Variants in MICAL3 observed in about 807,000 individuals in gnomAD.
MICAL3 encodes microtubule associated monooxygenase, calponin and LIM domain containing 3, also known as [F-actin]-monooxygenase MICAL3.
MICAL3 carries 62 observed loss-of-function variants against 207.4 expected under a neutral mutation model. The ratio of observed to expected loss-of-function variants is 0.30; its 90% CI spans 0.24 to 0.37. The LOEUF (loss-of-function observed/expected upper bound fraction) is 0.37. Among genes scored for constraint, MICAL3 ranks in the 10% least tolerant of loss-of-function variants. The probability of loss-of-function intolerance (pLI) is 1.00; values close to 1 mark genes in which losing one functional copy is unlikely to be tolerated. For synonymous variants in MICAL3, 1,077 were observed against 1,069.3 expected (o/e 1.01, Z -0.14); for missense variants, 2,368 against 2,635.6 (o/e 0.90, Z 2.22).
In MICAL3 at chr22:17,885,946, TG is replaced by T; in HGVS notation, c.2172del (p.Tyr724Ter). ...AATTTGGCCAGCAGCTGGGTCGCCA[TG>T]TACTTCACTTTGTTCTGGTTCCCAA... is the stretch of plus-strand genomic sequence containing the variant. ...VAVGNQNKVK[Y>X]MATQLLAKFE... On this transcript the variant is annotated frameshift_variant, in exon 16 of 32. Coordinates refer to ENST00000441493, the MANE Select transcript of MICAL3 (RefSeq NM_015241.3). LOFTEE classifies it high-confidence loss of function. The T allele has an allele frequency of 1.2e-6, 2 of 1,614,044 alleles. No homozygotes were observed. Among genetic ancestry groups the T allele is most frequent in the Non-Finnish European group, 1.7e-6 (2 of 1,179,906 alleles).
In MICAL3 at chr22:17,787,943, C is replaced by T. The variant is rs1296463730; in HGVS notation, c.*2789G>A. On this transcript the variant is annotated 3_prime_UTR_variant, in exon 32 of 32. Transcript: ENST00000441493. ...GCCCTCCAGGGAAGCTGCATGTGGACCTCCACGGTATTCAGCCTCCAGTTT... is the reference window on the plus strand; with the variant it reads ...GCCCTCCAGGGAAGCTGCATGTGGATCTCCACGGTATTCAGCCTCCAGTTT... 1 of 152,278 alleles carries T rather than the reference C, an allele frequency of 6.6e-6. No individual in the cohort carries two copies. Among genetic ancestry groups the T allele is most frequent in the African/African-American group, 2.4e-5 (1 of 41,464 alleles). 9.4% of individuals were successfully genotyped at this position (152,278 alleles called of 1,614,324 possible).
chr22:17,914,426 C>T (rs1932345107), intron 1 of MICAL3, among the ~76,000 whole-genome samples: 2 of 105,950 alleles, frequency 1.9e-5, no homozygotes, highest in Admixed American at 2.1e-4. Flanking sequence ...TGTATGACCT[C>T]CATTTTGCAG....
At chr22:17,870,052 C>T (rs139447803) in intron 17 of MICAL3, among the ~76,000 whole-genome samples, 2 of 152,284 alleles carry the variant, frequency 1.3e-5, no homozygotes, top group African/African-American at 4.8e-5. Context: ...TCCATCTGTC[C>T]TCTGACAGAT....
intron 19 of MICAL3, 83 bp downstream of exon 19, chr22:17,864,816 G>A: frequency 6.2e-7 from 1 of 1,613,938 alleles, no homozygotes; most frequent in Non-Finnish European, 8.5e-7. Flanking sequence ...TGTTGCTTTG[G>A]AGGTGCTGGC....
At chr22:17,885,824 CCTT>C (rs1569115434) in intron 16 of MICAL3, 51 bp downstream of exon 16, 7 of 1,561,320 alleles carry the variant, frequency 4.5e-6, no homozygotes, top group African/African-American at 1.4e-5. Context: ...AAAGATCCCC[CCTT>C]CTTGTGTGAT....
Position 17,789,942 on chromosome 22 carries a change from T to C in MICAL3, c.*790A>G, listed in dbSNP as rs1374294845. On this transcript the variant is annotated 3_prime_UTR_variant, in exon 32 of 32. Transcript: ENST00000441493. ...AGGTCATCTCCTGTCCCGACATAAA[T>C]GTGGAACAGGGACAATGCCTGTCTG... The C allele has an allele frequency of 2.0e-5, 3 of 152,182 alleles. No homozygotes were observed. The highest frequency in any genetic ancestry group is 2.0e-4 in the Admixed American group (3 of 15,284). 9.4% of individuals were successfully genotyped at this position (152,182 alleles called of 1,614,324 possible).
intron 1 of MICAL3, among the ~76,000 whole-genome samples, chr22:17,950,665 A>C (rs1429618606): frequency 6.6e-6 from 1 of 152,046 alleles, no homozygotes; most frequent in Admixed American, 6.6e-5. Context: ...ACATAACAGC[A>C]CTCCTAAACT....
At chr22:17,930,265 A>G (rs1456130048) in intron 1 of MICAL3, among the ~76,000 whole-genome samples, 1 of 152,244 alleles carries the variant, frequency 6.6e-6, no homozygotes, top group East Asian at 1.9e-4. Flanking sequence ...TTGAAGCTAC[A>G]TACACATCTA....
At chr22:17,791,727 C>T (rs912748798) in intron 29 of MICAL3, 1 of 203,408 alleles carries the variant, frequency 4.9e-6, no homozygotes, top group Non-Finnish European at 1.0e-5. Flanking sequence ...ACCCTGCCCT[C>T]AGGTCATGCT....
At chr22:17,858,046 AG>A (rs1402347868) in intron 19 of MICAL3, among the ~76,000 whole-genome samples, 1 of 152,252 alleles carries the variant, frequency 6.6e-6, no homozygotes, top group Non-Finnish European at 1.5e-5. Flanking sequence ...GTTGGCCCAC[AG>A]GAAGTAAAAT....
intron 1 of MICAL3, among the ~76,000 whole-genome samples, chr22:17,990,855 T>C (rs543418408): frequency 2.9e-4 from 44 of 152,336 alleles, no homozygotes; most frequent in East Asian, 1.3e-3. Context: ...ACTTTTCCCA[T>C]ATCCCAATAT....
chr22:17,826,997 G>A (rs1455998603), intron 22 of MICAL3, among the ~76,000 whole-genome samples: 2 of 152,252 alleles, frequency 1.3e-5, no homozygotes, highest in African/African-American at 4.8e-5. Flanking sequence ...GACAGCAGAG[G>A]TGACTCCGAG....
chr22:17,820,055 C>T (rs893252807), intron 25 of MICAL3, among the ~76,000 whole-genome samples: 3 of 149,720 alleles, frequency 2.0e-5, no homozygotes, highest in African/African-American at 7.4e-5. Context: ...TTGCTTGAGC[C>T]GAGGAGTTGG....
intron 1 of MICAL3, among the ~76,000 whole-genome samples, chr22:17,924,928 G>GT (rs1202966321): frequency 6.6e-6 from 1 of 152,124 alleles, no homozygotes. Flanking sequence ...CTGGCAACAG[G>GT]TATTTCTTTA....
rs1456797956 is a variant in MICAL3, at chr22:17,789,582, A to T, written c.*1150T>A. The T allele has an allele frequency of 6.6e-6, 1 of 152,270 alleles. No homozygotes were observed. The highest frequency in any genetic ancestry group is 2.4e-5 in the African/African-American group (1 of 41,430). 9.4% of individuals were successfully genotyped at this position (152,270 alleles called of 1,614,324 possible). A position where few individuals can be genotyped will look rare whatever the true frequency, so the allele number is the denominator to read the frequency against. On this transcript the variant is annotated 3_prime_UTR_variant, in exon 32 of 32. Transcript: ENST00000441493. ...AGGCAGGCACCGGGTGGAGGAGGGG[A>T]CAGAAAGCTGTGAGGAGGACCCACA...
At chr22:18,012,446 A>G (rs1014619792) in intron 1 of MICAL3, among the ~76,000 whole-genome samples, 1 of 152,178 alleles carries the variant, frequency 6.6e-6, no homozygotes, top group African/African-American at 2.4e-5. Flanking sequence ...GGGGTAAGGG[A>G]GGGCCAGACA....
chr22:17,821,869 A>C (rs1311211975), intron 24 of MICAL3, among the ~76,000 whole-genome samples, 161 bp downstream of exon 24: 1 of 152,224 alleles, frequency 6.6e-6, no homozygotes, highest in African/African-American at 2.4e-5. Flanking sequence ...TGGCACAGGG[A>C]GGGTGGACAG....
At chr22:17,914,205 C>T (rs943952994) in intron 1 of MICAL3, among the ~76,000 whole-genome samples, 3 of 152,194 alleles carry the variant, frequency 2.0e-5, no homozygotes, top group Admixed American at 6.5e-5. Context: ...GGAACTTTCT[C>T]TGCTCCATTA....
At chr22:17,862,133 C>A in intron 19 of MICAL3, 1 of 985,380 alleles carries the variant, frequency 1.0e-6, no homozygotes, top group Non-Finnish European at 1.2e-6. Context: ...ACAAGAGAAT[C>A]AAGTGCCGTC....
Sources: allele counts gnomAD v4.1 joint callset (sites outside exome capture counted in the v4.1 genomes callset), GRCh38; gene constraint gnomAD v4.1.1; transcripts MANE v1.5; gene names NCBI Gene and HGNC (gene_info 2026-07-23, HGNC 2026-07-21).